Variants in TTC39A observed in about 807,000 individuals in gnomAD.
TTC39A encodes tetratricopeptide repeat protein 39A.
A neutral mutation model predicts 82.3 loss-of-function variants in TTC39A; 46 were observed. The observed-to-expected ratio is 0.56, with a 90% CI of 0.44 to 0.71. The LOEUF (loss-of-function observed/expected upper bound fraction) is 0.71, where lower values mean the gene tolerates loss of function less well. TTC39A is among the 30% of genes least tolerant of loss of function. TTC39A has a pLI of 0.00. For missense variants in TTC39A, 543 were observed against 712.9 expected (o/e 0.76, Z 2.71); for synonymous variants, 254 against 275.2 (o/e 0.92, Z 0.76).
chr1:51,311,296 A>G lies in TTC39A; in HGVS notation c.381T>C (p.Tyr127=), dbSNP rs1645073379. 4.4e-6 allele frequency: 7 copies of G among 1,586,084 alleles called. 1 individual carries two copies. The South Asian group carries it at 6.9e-5, about 16-fold the overall frequency. Residue 127 remains tyrosine (Y), a synonymous_variant, in exon 5 of 18, where the codon TAT becomes TAC. Coordinates refer to ENST00000680483, the MANE Select transcript of TTC39A (RefSeq NM_001297663.2). ...CTGCTCGCTGCAGCAGGCACTCTGC[A>G]TAGCAGACCTCAGCGTGGATTTCCT... The part of the protein sequence containing the change: ...TEEEIHAEVC[Y]AECLLQRAAL...
rs1468926888 is a variant in TTC39A, at chr1:51,330,337, C to T, written c.41+100G>A. Reference sequence around the variant, plus strand: ...GGGGCTGGAAGCCGCAGTGCGGCCCCAGGCCGGTGCGCGGGGGGAGGCCTG... The same window carrying T: ...GGGGCTGGAAGCCGCAGTGCGGCCCTAGGCCGGTGCGCGGGGGGAGGCCTG... On this transcript the variant is annotated intron_variant, in intron 1 of 17. Coordinates refer to ENST00000680483, the MANE Select transcript of TTC39A (RefSeq NM_001297663.2). This position sits in a 1 kb window ranked among gnomAD's most constrained non-coding sequence, Gnocchi z 4.5. The T allele has an allele frequency of 6.3e-5, 58 of 921,452 alleles. No homozygotes were observed. Among genetic ancestry groups the T allele is most frequent in the Non-Finnish European group, 7.5e-5 (58 of 773,322 alleles). 57.1% of individuals were successfully genotyped at this position (921,452 alleles called of 1,614,324 possible).
At chr1:51,336,699 T>C (rs1645978897) in intron 1 of TTC39A, among the ~76,000 whole-genome samples, 1 of 151,858 alleles carries the variant, frequency 6.6e-6, no homozygotes, top group Admixed American at 6.6e-5. Context: ...TTCATCCGAT[T>C]AGAGAATAGT....
At chr1:51,301,165 G>T (rs560360877) in intron 12 of TTC39A, 1 of 166,312 alleles carries the variant, frequency 6.0e-6, no homozygotes, top group South Asian at 1.7e-4. Flanking sequence ...GCCCTACATG[G>T]CTATTTAAAT....
intron 13 of TTC39A, chr1:51,295,815 C>T (rs1244641462): frequency 3.7e-6 from 2 of 546,876 alleles, no homozygotes; most frequent in East Asian, 3.1e-5. Context: ...GAAAGAGACT[C>T]GGAGGAAGAC....
Position 51,295,888 on chromosome 1 carries a change from C to T in TTC39A, c.1145+191G>A, listed in dbSNP as rs1038611558. The T allele has an allele frequency of 1.8e-5, 11 of 623,036 alleles. No homozygotes were observed. In the Admixed American group the frequency reaches 2.6e-4, roughly 15 times the overall value. The allele number at this position is 623,036 out of a possible 1,614,324, so 38.6% of individuals were successfully genotyped here. On this transcript the variant is annotated intron_variant, in intron 13 of 17. Coordinates refer to ENST00000680483, the MANE Select transcript of TTC39A (RefSeq NM_001297663.2). ...GAAGAAAGTCAAAGGGCTCCAACCACCAGCAGCAGCAGCATGGGGTGGTGA... is the reference window on the plus strand; with the variant it reads ...GAAGAAAGTCAAAGGGCTCCAACCATCAGCAGCAGCAGCATGGGGTGGTGA...
At chr1:51,322,179 C>G (rs1238242607) in intron 1 of TTC39A, 8 of 1,535,852 alleles carry the variant, frequency 5.2e-6, no homozygotes, top group Admixed American at 2.0e-5. Flanking sequence ...TGCTGCCCCC[C>G]CAGGGGGTGC....
intron 12 of TTC39A, 60 bp from the exon 13 acceptor site, chr1:51,296,230 G>A: frequency 6.6e-7 from 1 of 1,515,046 alleles, no homozygotes. Context: ...CAGCCGGGCT[G>A]GAATCTGCAG....
chr1:51,312,988 C>T (rs1220268777), intron 2 of TTC39A, 45 bp from the exon 3 acceptor site: 2 of 1,591,140 alleles, frequency 1.3e-6, no homozygotes, highest in Non-Finnish European at 1.7e-6. Context: ...TATAGAGCCC[C>T]AGAGGCAGCT....
At chr1:51,324,128 T>G (rs1027019375) in intron 1 of TTC39A, among the ~76,000 whole-genome samples, 1 of 152,202 alleles carries the variant, frequency 6.6e-6, no homozygotes, top group Non-Finnish European at 1.5e-5. Flanking sequence ...ACCCAAAGTT[T>G]GTGTGATGGC....
At chr1:51,318,544 G>A (rs1334379157) in intron 2 of TTC39A, among the ~76,000 whole-genome samples, 1 of 152,164 alleles carries the variant, frequency 6.6e-6, no homozygotes, top group Non-Finnish European at 1.5e-5. Flanking sequence ...GAGAAAGATG[G>A]GTCCATGATG....
At chr1:51,334,195 CAAAA>C (rs763569273), upstream of TTC39A, among the ~76,000 whole-genome samples, 1 of 38,060 alleles carries the variant, frequency 2.6e-5, no homozygotes, top group Admixed American at 2.6e-4. Flanking sequence ...CCTGTCTCTA[CAAAA>C]AAAAAAAAAA....
chr1:51,302,267 G>A (rs1446150526), intron 11 of TTC39A, 90 bp downstream of exon 11: 13 of 1,005,716 alleles, frequency 1.3e-5, no homozygotes, highest in Non-Finnish European at 1.8e-5. Flanking sequence ...AGTCTATCCT[G>A]TCCCTGAGTA....
At chr1:51,316,653 C>T (rs1162110107) in intron 2 of TTC39A, among the ~76,000 whole-genome samples, 1 of 152,224 alleles carries the variant, frequency 6.6e-6, no homozygotes, top group East Asian at 1.9e-4. Flanking sequence ...ACACCTTTTC[C>T]CCTCTCCTTA....
At chr1:51,293,173 T>G (rs998765884) in intron 14 of TTC39A, among the ~76,000 whole-genome samples, 6 of 151,858 alleles carry the variant, frequency 4.0e-5, no homozygotes, top group Admixed American at 3.9e-4. Flanking sequence ...ATTCAAGAGA[T>G]TCTCCTGCCT....
At chr1:51,331,648 G>T (rs1645913094), upstream of TTC39A, 4 of 985,436 alleles carry the variant, frequency 4.1e-6, no homozygotes, top group Non-Finnish European at 4.8e-6. Flanking sequence ...TAAGCAGGCT[G>T]CCTGGAAAGG....
intron 1 of TTC39A, chr1:51,322,095 G>A (rs1296181733): frequency 9.7e-6 from 15 of 1,551,538 alleles, no homozygotes; most frequent in African/African-American, 4.1e-5. Context: ...GTGCAAAGAG[G>A]CCTCAGGAAT....
At position 51,288,785 on chromosome 1, in the gene TTC39A, CCT is replaced by C. The variant is rs1488321678; in HGVS notation, c.1610+52_1610+53del. The C allele has an allele frequency of 2.0e-5, 30 of 1,521,114 alleles. No individual in the cohort carries two copies. The highest frequency in any genetic ancestry group is 2.5e-5 in the Non-Finnish European group (28 of 1,119,116). The allele number at this position is 1,521,114 out of a possible 1,614,324, so 94.2% of individuals were successfully genotyped here. ...TGGGCAACTCTGTCCCCAGCCAGCT[CCT>C]GAGCTGAGTTCAGAGGGAGCAAAGG... On this transcript the variant is annotated intron_variant, in intron 17 of 17. Coordinates refer to ENST00000680483, the MANE Select transcript of TTC39A (RefSeq NM_001297663.2). This position sits in a 1 kb window ranked among gnomAD's most constrained non-coding sequence, Gnocchi z 4.8.
chr1:51,305,392 G>T, intron 7 of TTC39A: 2 of 432,396 alleles, frequency 4.6e-6, no homozygotes, highest in South Asian at 4.4e-5. Context: ...AGGTTCCTGA[G>T]GCTAAATCTT....
At chr1:51,303,257 G>A (rs1644746317) in intron 8 of TTC39A, 65 bp from the exon 9 acceptor site, 2 of 1,391,998 alleles carry the variant, frequency 1.4e-6, no homozygotes, top group East Asian at 5.0e-5. Flanking sequence ...CAGCTGGACA[G>A]CTGTGTGGGC....
Sources: allele counts gnomAD v4.1 joint callset (sites outside exome capture counted in the v4.1 genomes callset), GRCh38; gene constraint gnomAD v4.1.1; non-coding constraint Gnocchi (gnomAD v3.1); transcripts MANE v1.5; gene names NCBI Gene and HGNC (gene_info 2026-07-23, HGNC 2026-07-21).